TSEN54: variants seen among roughly 807,000 people sequenced by gnomAD.
TSEN54 encodes the protein tRNA-splicing endonuclease subunit Sen54.
A neutral mutation model predicts 61.9 loss-of-function variants in TSEN54; 55 were observed. That is an observed-to-expected ratio of 0.89 (90% CI 0.72 to 1.11). The LOEUF is 1.11. Among genes scored for constraint, TSEN54 ranks in the 50% most tolerant of loss-of-function variants. The pLI is 0.00. For missense variants in TSEN54, 760 were observed against 687.7 expected (o/e 1.11, Z -1.18); for synonymous variants, 304 against 288.7 (o/e 1.05, Z -0.54).
Position 75,522,232 on chromosome 17 carries a change from T to G in TSEN54, c.1151T>G (p.Leu384Arg). The G allele has an allele frequency of 1.3e-6, 2 of 1,548,456 alleles. No individual in the cohort carries two copies. The highest frequency in any genetic ancestry group is 8.7e-7 in the Non-Finnish European group (1 of 1,145,684). The change falls in exon 8 of 11, where the codon CTG becomes CGG. Residue 384 changes from leucine to arginine, a missense_variant. Physicochemically the swap from Leu to Arg is moderately radical, Grantham distance 102 (BLOSUM62 -2). Transcript: ENST00000333213. ...TCCAGCTGGCGGGAGTACAAGGAGC[T>G]GCTGCAGCGGCGGCAGGTGCAGAGG... ...RCSSWREYKELLQRRQVQRSQ... is the reference protein window; with the variant it reads ...RCSSWREYKERLQRRQVQRSQ...
Position 75,521,883 on chromosome 17 carries a change from C to T in TSEN54, c.802C>T (p.Pro268Ser), listed in dbSNP as rs757862450. The change falls in exon 8 of 11, where the codon CCT becomes TCT. Residue 268 changes from proline to serine, a missense_variant. Pro to Ser is a moderately conservative substitution (Grantham distance 74, BLOSUM62 -1). This residue lies in a region of TSEN54 where 667 missense variants were observed against 577.8 expected (regional missense o/e 1.15). Coordinates refer to ENST00000333213, the MANE Select transcript of TSEN54 (RefSeq NM_207346.3). Reference sequence around the variant, plus strand: ...GCTTCTGGGGTCCCTGGGCCCCAGCCCTGGCCCGGCCAGGGAGGGGGTGGG... The same window carrying T: ...GCTTCTGGGGTCCCTGGGCCCCAGCTCTGGCCCGGCCAGGGAGGGGGTGGG... ...FQLLGSLGPS[P>S]GPAREGVGCS... is the part of the protein sequence containing the mutation. 28 of 1,609,926 alleles carry T rather than the reference C, an allele frequency of 1.7e-5. No homozygotes were observed. In the Admixed American group the frequency reaches 2.2e-4, roughly 13 times the overall value.
Position 75,523,476 on chromosome 17 carries a change from A to G in TSEN54, c.1313+141A>G, listed in dbSNP as rs1598478830. 4 of 1,597,196 alleles carry G rather than the reference A, an allele frequency of 2.5e-6. No homozygotes were observed. The East Asian group carries it at 9.0e-5, about 36-fold the overall frequency. On this transcript the variant is annotated intron_variant, in intron 9 of 10. Coordinates refer to ENST00000333213, the MANE Select transcript of TSEN54 (RefSeq NM_207346.3). ...CTACGCCTAGCTCTGAGCAATAACT[A>G]GTGTTCGTGTGTGTCTAGGGAAGAG...
intron 10 of TSEN54, 143 bp from the exon 11 acceptor site, chr17:75,524,119 A>G (rs2053470604): frequency 3.2e-6 from 4 of 1,231,072 alleles, no homozygotes; most frequent in Non-Finnish European, 4.7e-6. Flanking sequence ...GGCGCTCTTC[A>G]TCAGAGCCCT....
At chr17:75,520,415 C>CAAAAAAAAA (rs917844314) in intron 6 of TSEN54, among the ~76,000 whole-genome samples, 1 of 91,794 alleles carries the variant, frequency 1.1e-5, no homozygotes. Context: ...ACTAAAATAC[C>CAAAAAAAAA]AAAAAAAAAA....
chr17:75,522,503 G>A (rs1405286168), intron 8 of TSEN54, 170 bp downstream of exon 8: 2 of 1,485,046 alleles, frequency 1.3e-6, no homozygotes, highest in Non-Finnish European at 1.8e-6. Flanking sequence ...CAGGGCCTGT[G>A]TGGGAAGGCT....
Position 75,524,668 on chromosome 17 carries a change from G to A in TSEN54, c.*256G>A. The A allele has an allele frequency of 1.7e-6, 1 of 586,608 alleles. No individual in the cohort carries two copies. Among genetic ancestry groups the A allele is most frequent in the Non-Finnish European group, 3.1e-6 (1 of 325,772 alleles). The allele number at this position is 586,608 out of a possible 1,614,324, so 36.3% of individuals were successfully genotyped here. On this transcript the variant is annotated 3_prime_UTR_variant, in exon 11 of 11. Coordinates refer to ENST00000333213, the MANE Select transcript of TSEN54 (RefSeq NM_207346.3). ...GAGGTGGGGCAGAAGAGAGGACTGT[G>A]TGCCTTTAACGAGAGGGTGCCTGCT...
intron 4 of TSEN54, 119 bp from the exon 5 acceptor site, chr17:75,517,438 C>G: frequency 1.7e-6 from 2 of 1,202,278 alleles, no homozygotes; most frequent in South Asian, 1.2e-5. Context: ...CCTGGTTGGC[C>G]ACATTCTTGA....
intron 3 of TSEN54, 39 bp downstream of exon 3, chr17:75,517,111 GCCCTCC>G (rs1568000962): frequency 1.3e-6 from 2 of 1,507,034 alleles, no homozygotes. Flanking sequence ...CGCCCTCCCT[GCCCTCC>G]CTGCCCTCCC....
intron 5 of TSEN54, among the ~76,000 whole-genome samples, chr17:75,517,964 A>G (rs1435992445): frequency 6.6e-6 from 1 of 152,206 alleles, no homozygotes; most frequent in Non-Finnish European, 1.5e-5. Context: ...GATGAATCTC[A>G]GAAATATTTT....
chr17:75,517,360 T>C, intron 4 of TSEN54, 116 bp downstream of exon 4: 1 of 1,308,726 alleles, frequency 7.6e-7, no homozygotes, highest in Non-Finnish European at 1.1e-6. Context: ...ACCAAACTTC[T>C]AAAGCAGGAG....
At chr17:75,521,352 C>A in intron 6 of TSEN54, 57 bp from the exon 7 acceptor site, 1 of 1,447,088 alleles carries the variant, frequency 6.9e-7, no homozygotes, top group Non-Finnish European at 9.7e-7. Context: ...CACATCCCAC[C>A]AGATCCCCAG....
chr17:75,524,225 T>C, intron 10 of TSEN54, 37 bp from the exon 11 acceptor site: 2 of 1,613,906 alleles, frequency 1.2e-6, no homozygotes, highest in Non-Finnish European at 1.7e-6. Flanking sequence ...AGGAGTGGGC[T>C]ATGGCTGGGT....
At chr17:75,518,942 T>G in intron 5 of TSEN54, 53 bp from the exon 6 acceptor site, 1 of 1,609,772 alleles carries the variant, frequency 6.2e-7, no homozygotes, top group Non-Finnish European at 8.5e-7. Flanking sequence ...AGAAACCATT[T>G]GGTGTTTTCC....
intron 6 of TSEN54, 73 bp downstream of exon 6, chr17:75,519,120 T>C: frequency 6.4e-7 from 1 of 1,552,994 alleles, no homozygotes; most frequent in Non-Finnish European, 8.9e-7. Context: ...AGGTAGAAAA[T>C]GGCCTCTCCT....
Position 75,521,986 on chromosome 17 carries a change from C to T in TSEN54, c.905C>T (p.Ser302Phe). 1 of 1,605,842 alleles carries T rather than the reference C, an allele frequency of 6.2e-7. No individual in the cohort carries two copies. Among genetic ancestry groups the T allele is most frequent in the Non-Finnish European group, 8.5e-7 (1 of 1,177,040 alleles). The change falls in exon 8 of 11, where the codon TCC becomes TTC. Residue 302 changes from serine (S) to phenylalanine (F), a missense_variant. Coordinates refer to ENST00000333213, the MANE Select transcript of TSEN54 (RefSeq NM_207346.3). ...CGGCGCTGGAACTTCGAGCAGATCTCCTTCCCCAACATGGCTTCAGACAGC... is the reference window on the plus strand; with the variant it reads ...CGGCGCTGGAACTTCGAGCAGATCTTCTTCCCCAACATGGCTTCAGACAGC... The part of the protein sequence containing the change: ...GKRRWNFEQI[S>F]FPNMASDSRH...
At position 75,521,699 on chromosome 17, in the gene TSEN54, C is replaced by G. The variant is rs893511503; in HGVS notation, c.624-6C>G. 7.4e-6 allele frequency: 12 copies of G among 1,612,950 alleles called. No individual in the cohort carries two copies. The highest frequency in any genetic ancestry group is 1.0e-5 in the Non-Finnish European group (12 of 1,179,812). On this transcript the variant is annotated splice_polypyrimidine_tract_variant and splice_region_variant and intron_variant, in intron 7 of 10. Coordinates refer to ENST00000333213, the MANE Select transcript of TSEN54 (RefSeq NM_207346.3). ...AGATGTGCTGCTTTTCCCCCACGTC[C>G]CTCAGGTCCATTAATAAGAAGGCCA...
chr17:75,524,607 C>T lies in TSEN54; in HGVS notation c.*195C>T, dbSNP rs994497091. 2 of 731,962 alleles carry T rather than the reference C, an allele frequency of 2.7e-6. No homozygotes were observed. The highest frequency in any genetic ancestry group is 2.1e-5 in the Admixed American group (1 of 48,294). 45.3% of individuals were successfully genotyped at this position (731,962 alleles called of 1,614,324 possible). A position where few individuals can be genotyped will look rare whatever the true frequency, so the allele number is the denominator to read the frequency against. ...CCCTTCCCTGCTGCCTTGCAGTGAC[C>T]CCTCTGGAACTCAGGACTCGATTTT... On this transcript the variant is annotated 3_prime_UTR_variant, in exon 11 of 11. Coordinates refer to ENST00000333213, the MANE Select transcript of TSEN54 (RefSeq NM_207346.3).
chr17:75,521,551 G>A (rs530811194), intron 7 of TSEN54, 41 bp downstream of exon 7: 1 of 1,601,050 alleles, frequency 6.2e-7, no homozygotes, highest in Non-Finnish European at 8.6e-7. Context: ...GAGTGCTGGT[G>A]TCTGGGACCT....
chr17:75,518,499 A>AG (rs2053396313), intron 5 of TSEN54: 2 of 982,366 alleles, frequency 2.0e-6, no homozygotes, highest in Non-Finnish European at 2.4e-6. Flanking sequence ...AAGCCTGCTG[A>AG]GATCAAGCAG....
Sources: gnomAD v4.1 joint callset for allele counts (sites outside exome capture counted in the v4.1 genomes callset) on GRCh38, gnomAD v4.1.1 for gene constraint, gnomAD v4.1.1 regional missense constraint, MANE v1.5 for transcripts, NCBI Gene and HGNC (gene_info 2026-07-23, HGNC 2026-07-21) for gene names.